Variants in KCNJ6 observed in about 807,000 individuals in gnomAD.
The protein encoded by KCNJ6 is potassium inwardly rectifying channel subfamily J member 6, also known as G protein-activated inward rectifier potassium channel 2.
A neutral mutation model predicts 34.2 loss-of-function variants in KCNJ6; 9 were observed. The observed-to-expected ratio is 0.26, with a 90% confidence interval of 0.16 to 0.46. The LOEUF is 0.46. Among genes scored for constraint, KCNJ6 ranks in the 20% least tolerant of loss-of-function variants. The pLI is 1.00. For missense variants in KCNJ6, 236 were observed against 531.3 expected, an observed-to-expected ratio of 0.44 and a Z score of 5.46; for synonymous variants, 196 against 207.1, an observed-to-expected ratio of 0.95 and a Z score of 0.46.
At chr21:37,819,735 T>G (rs1049045402) in intron 2 of KCNJ6, among the ~76,000 whole-genome samples, 7 of 152,194 alleles carry the variant, frequency 4.6e-5, no homozygotes, top group African/African-American at 1.7e-4. Context: ...TTAACTCCTC[T>G]CTTACTTCTG....
intron 2 of KCNJ6, among the ~76,000 whole-genome samples, chr21:37,758,162 G>A (rs1353169684): frequency 2.0e-5 from 3 of 150,766 alleles, no homozygotes; most frequent in South Asian, 2.1e-4. Context: ...ATCCTTGAGC[G>A]ATTAAGACAG....
chr21:37,663,387 GC>G (rs1183086299), intron 3 of KCNJ6, among the ~76,000 whole-genome samples: 1 of 151,964 alleles, frequency 6.6e-6, no homozygotes, highest in African/African-American at 2.4e-5. Context: ...GAGTATGTGA[GC>G]AAAAAAGTTG....
intron 2 of KCNJ6, among the ~76,000 whole-genome samples, chr21:37,783,611 C>T (rs958909421): frequency 1.3e-5 from 2 of 152,178 alleles, no homozygotes; most frequent in Non-Finnish European, 2.9e-5. Flanking sequence ...ATACACCTTG[C>T]CAGCCTGCAA....
chr21:37,701,077 A>G (rs2054688488), intron 3 of KCNJ6, among the ~76,000 whole-genome samples: 1 of 152,172 alleles, frequency 6.6e-6, no homozygotes, highest in African/African-American at 2.4e-5. Context: ...GAGCCACCCC[A>G]ATGGAGATGC....
intron 2 of KCNJ6, among the ~76,000 whole-genome samples, chr21:37,826,126 A>T (rs1208593701): frequency 6.6e-6 from 1 of 152,178 alleles, no homozygotes. Context: ...GTCTTCCTTA[A>T]TCCCCCAAGA....
At chr21:37,802,212 G>A (rs2055272627) in intron 2 of KCNJ6, among the ~76,000 whole-genome samples, 1 of 152,168 alleles carries the variant, frequency 6.6e-6, no homozygotes, top group Admixed American at 6.5e-5. Flanking sequence ...TAAGCAAGAA[G>A]CAGTTGTTGC....
intron 3 of KCNJ6, among the ~76,000 whole-genome samples, chr21:37,698,532 TTTG>T (rs927111837): frequency 8.5e-5 from 13 of 152,194 alleles, no homozygotes; most frequent in African/African-American, 2.2e-4. Flanking sequence ...AGTTTTGACT[TTTG>T]TTGTTGTTGT....
At chr21:37,815,401 G>A (rs1319036905) in intron 2 of KCNJ6, among the ~76,000 whole-genome samples, 1 of 152,146 alleles carries the variant, frequency 6.6e-6, no homozygotes, top group Non-Finnish European at 1.5e-5. Context: ...TACCCACTAT[G>A]TACCCACGAA....
chr21:37,873,902 A>G (rs930692650), intron 1 of KCNJ6, among the ~76,000 whole-genome samples: 7 of 152,084 alleles, frequency 4.6e-5, no homozygotes, highest in Non-Finnish European at 1.0e-4. Context: ...CTCATTCCTC[A>G]GCATTTTTCC....
At chr21:37,637,773 A>C in intron 3 of KCNJ6, among the ~76,000 whole-genome samples, 1 of 152,194 alleles carries the variant, frequency 6.6e-6, no homozygotes, top group Non-Finnish European at 1.5e-5. Context: ...AGATCATAAG[A>C]ATGGGTATCC....
chr21:37,669,577 T>TTTGTG (rs1556016701), intron 3 of KCNJ6, among the ~76,000 whole-genome samples: 1 of 149,078 alleles, frequency 6.7e-6, no homozygotes, highest in African/African-American at 2.5e-5. Context: ...TCTGTGTGTG[T>TTTGTG]TGTGTGTGTG....
At chr21:37,884,104 C>T (rs986627245) in intron 1 of KCNJ6, among the ~76,000 whole-genome samples, 1 of 152,208 alleles carries the variant, frequency 6.6e-6, no homozygotes, top group Non-Finnish European at 1.5e-5. Context: ...CACCTTACTA[C>T]TTTGCTCGTG....
At chr21:37,650,063 T>G (rs1328849294) in intron 3 of KCNJ6, among the ~76,000 whole-genome samples, 2 of 152,106 alleles carry the variant, frequency 1.3e-5, no homozygotes, top group Non-Finnish European at 2.9e-5. Context: ...GCGCCTGGCC[T>G]AATTCCAGCA....
chr21:37,626,724 C>T (rs1025448024), intron 3 of KCNJ6, among the ~76,000 whole-genome samples: 3 of 152,146 alleles, frequency 2.0e-5, no homozygotes, highest in African/African-American at 7.2e-5. Context: ...CCAGGGCTGA[C>T]TTCTCCATTA....
At chr21:37,825,340 T>C (rs2055393797) in intron 2 of KCNJ6, among the ~76,000 whole-genome samples, 1 of 152,132 alleles carries the variant, frequency 6.6e-6, no homozygotes, top group South Asian at 2.1e-4. Flanking sequence ...CTTCCTAAAA[T>C]TGTTGAATCT....
At chr21:37,685,594 G>A (rs2054610418) in intron 3 of KCNJ6, among the ~76,000 whole-genome samples, 1 of 6,506 alleles carries the variant, frequency 1.5e-4, no homozygotes, top group African/African-American at 2.8e-4. Context: ...GCAGGAGAAT[G>A]GCGTGAACCC....
At position 37,611,842 on chromosome 21, in the gene KCNJ6, T is replaced by C. The variant is rs2054243750; in HGVS notation, c.*13317A>G. On this transcript the variant is annotated 3_prime_UTR_variant, in exon 4 of 4. Coordinates refer to ENST00000609713, the MANE Select transcript of KCNJ6 (RefSeq NM_002240.5). ...AAGCCCCTCAACCTGATAAACAATA[T>C]CTAAAAAAAAAACCTTACAGCTAAC... is the stretch of plus-strand genomic sequence containing the variant. The C allele has an allele frequency of 6.6e-6, 1 of 150,614 alleles. No individual in the cohort carries two copies. Among genetic ancestry groups the C allele is most frequent in the African/African-American group, 2.4e-5 (1 of 40,962 alleles). 9.3% of individuals were successfully genotyped at this position (150,614 alleles called of 1,614,324 possible). A position where few individuals can be genotyped will look rare whatever the true frequency, so the allele number is the denominator to read the frequency against.
intron 3 of KCNJ6, among the ~76,000 whole-genome samples, chr21:37,713,505 C>T (rs996857331): frequency 1.6e-4 from 25 of 152,098 alleles, no homozygotes; most frequent in Non-Finnish European, 3.1e-4. Flanking sequence ...CAGACATGAG[C>T]GAAGACGTCA....
At chr21:37,800,071 A>G (rs2055261966) in intron 2 of KCNJ6, among the ~76,000 whole-genome samples, 1 of 152,242 alleles carries the variant, frequency 6.6e-6, no homozygotes, top group South Asian at 2.1e-4. Context: ...GAAGTGGCTC[A>G]TTCCACAGCT....
Sources: allele counts gnomAD v4.1 joint callset (sites outside exome capture counted in the v4.1 genomes callset), GRCh38; gene constraint gnomAD v4.1.1; transcripts MANE v1.5; gene names NCBI Gene and HGNC (gene_info 2026-07-23, HGNC 2026-07-21).